The following CDK14 variants were observed in gnomAD, a reference collection of about 807,000 sequenced individuals.
CDK14 encodes the protein cyclin dependent kinase 14, also known as cyclin-dependent kinase 14.
A neutral mutation model predicts 60.7 loss-of-function variants in CDK14; 34 were observed. The observed-to-expected ratio is 0.56, with a 90% CI of 0.43 to 0.75. The LOEUF is 0.75. CDK14 is among the 30% of genes least tolerant of loss of function. The probability of loss-of-function intolerance (pLI) is 0.00; values close to 1 mark genes in which losing one functional copy is unlikely to be tolerated. For synonymous variants in CDK14, 197 were observed against 203.7 expected (o/e 0.97, Z 0.28); for missense variants, 482 against 564.1 (o/e 0.85, Z 1.47).
At chr7:91,062,342 A>G (rs1056428652) in intron 11 of CDK14, among the ~76,000 whole-genome samples, 6 of 152,040 alleles carry the variant, frequency 3.9e-5, no homozygotes, top group African/African-American at 1.4e-4. Context: ...GACCCCTTGC[A>G]CTTCCCGGGT....
chr7:90,946,422 T>C (rs1422027145), intron 8 of CDK14, among the ~76,000 whole-genome samples: 2 of 152,002 alleles, frequency 1.3e-5, no homozygotes, highest in African/African-American at 2.4e-5. Flanking sequence ...TCTCCTCAAA[T>C]AGAATGATGA....
chr7:90,841,249 C>A (rs549615350), intron 5 of CDK14, among the ~76,000 whole-genome samples: 2 of 151,866 alleles, frequency 1.3e-5, no homozygotes, highest in Non-Finnish European at 2.9e-5. Context: ...TTCATTTGTC[C>A]AAACCCATAC....
intron 14 of CDK14, among the ~76,000 whole-genome samples, chr7:91,167,588 C>T (rs556040817): frequency 1.2e-4 from 19 of 152,270 alleles, no homozygotes; most frequent in African/African-American, 4.6e-4. Flanking sequence ...GGAGTTATTT[C>T]CTGGGTGACT....
rs921936647 is a variant in CDK14, at chr7:90,969,933, T to C, written c.947+14116T>C. On this transcript the variant is annotated intron_variant, in intron 9 of 14. Transcript: ENST00000380050. ...CTTTAAGACTCCATCTCTAGAGTCTTCATTATCCATAGGAGTCTGTGTTGA... is the reference window on the plus strand; with the variant it reads ...CTTTAAGACTCCATCTCTAGAGTCTCCATTATCCATAGGAGTCTGTGTTGA... Among the ~76,000 whole-genome samples the C allele has an allele frequency of 2.0e-5, 3 of 151,854 alleles. No individual in the cohort carries two copies. The East Asian group carries it at 5.8e-4, about 29-fold the overall frequency.
At chr7:91,174,052 T>G (rs934889875) in intron 14 of CDK14, among the ~76,000 whole-genome samples, 7 of 152,240 alleles carry the variant, frequency 4.6e-5, no homozygotes, top group South Asian at 2.1e-4. Flanking sequence ...GACTTAAATG[T>G]CCCTGTATGA....
chr7:91,093,621 A>G (rs1289948780), intron 12 of CDK14, among the ~76,000 whole-genome samples: 3 of 152,198 alleles, frequency 2.0e-5, no homozygotes, highest in Non-Finnish European at 4.4e-5. Context: ...ATCTTATTTT[A>G]GCAAGCATTT....
intron 13 of CDK14, among the ~76,000 whole-genome samples, chr7:91,115,529 A>C (rs1799581387): frequency 1.3e-5 from 2 of 152,198 alleles, no homozygotes; most frequent in African/African-American, 4.8e-5. Context: ...GAGGACGGAC[A>C]CAATTCAATC....
intron 3 of CDK14, among the ~76,000 whole-genome samples, chr7:90,747,274 C>A (rs1453015999): frequency 6.6e-6 from 1 of 152,060 alleles, no homozygotes; most frequent in African/African-American, 2.4e-5. Context: ...CCACAGTTTG[C>A]CAGCTCCTAA....
intron 6 of CDK14, among the ~76,000 whole-genome samples, chr7:90,885,148 C>A (rs1791900395): frequency 6.6e-6 from 1 of 152,144 alleles, no homozygotes; most frequent in African/African-American, 2.4e-5. Flanking sequence ...AGTCAACAGG[C>A]AACCTACAGA....
At chr7:90,832,693 A>G (rs183996864) in intron 5 of CDK14, among the ~76,000 whole-genome samples, 21 of 152,300 alleles carry the variant, frequency 1.4e-4, no homozygotes, top group Middle Eastern at 3.4e-3. Context: ...AAAGTGCTAT[A>G]CAATGCAGGA....
chr7:91,173,048 C>A (rs1412531400), intron 14 of CDK14, among the ~76,000 whole-genome samples: 1 of 152,148 alleles, frequency 6.6e-6, no homozygotes, highest in Non-Finnish European at 1.5e-5. Flanking sequence ...TTTCTAATGG[C>A]CTTTCTTCTC....
chr7:90,639,132 G>T (rs939036900), intron 2 of CDK14, among the ~76,000 whole-genome samples: 1 of 152,304 alleles, frequency 6.6e-6, no homozygotes, highest in South Asian at 2.1e-4. Flanking sequence ...CTCTCAACTC[G>T]TCAAAGTCAT....
At chr7:90,711,795 T>G (rs1036013893) in intron 2 of CDK14, among the ~76,000 whole-genome samples, 1 of 152,120 alleles carries the variant, frequency 6.6e-6, no homozygotes, top group Non-Finnish European at 1.5e-5. Context: ...AAAAGCATTT[T>G]TTGGTTAAAC....
intron 2 of CDK14, among the ~76,000 whole-genome samples, chr7:90,615,643 C>T (rs1219053365): frequency 6.6e-6 from 1 of 152,046 alleles, no homozygotes; most frequent in African/African-American, 2.4e-5. Context: ...TTGGCTTATT[C>T]CAGATTTGCC....
chr7:90,796,909 G>A (rs1019776656), intron 5 of CDK14, among the ~76,000 whole-genome samples: 4 of 151,846 alleles, frequency 2.6e-5, no homozygotes, highest in Admixed American at 1.3e-4. Flanking sequence ...AACAGAGTCA[G>A]TTACAAGGCA....
At chr7:90,600,908 A>G (rs1413146744) in intron 1 of CDK14, among the ~76,000 whole-genome samples, 2 of 152,224 alleles carry the variant, frequency 1.3e-5, no homozygotes, top group East Asian at 3.8e-4. Flanking sequence ...CCCACTGTAG[A>G]TATTGTTCTG....
chr7:90,663,061 A>G (rs1800894397), intron 2 of CDK14, among the ~76,000 whole-genome samples: 1 of 151,608 alleles, frequency 6.6e-6, no homozygotes, highest in South Asian at 2.1e-4. Context: ...TGGAATGTCT[A>G]CACACACTTT....
chr7:90,654,633 G>A (rs934776090), intron 2 of CDK14, among the ~76,000 whole-genome samples: 2 of 152,254 alleles, frequency 1.3e-5, no homozygotes, highest in African/African-American at 4.8e-5. Context: ...GTTTGGGAAG[G>A]CCTGTCAGTT....
At chr7:91,137,617 C>T (rs369198392) in intron 14 of CDK14, among the ~76,000 whole-genome samples, 1 of 150,862 alleles carries the variant, frequency 6.6e-6, no homozygotes, top group Non-Finnish European at 1.5e-5. Context: ...ATGCACTGTG[C>T]ACACACACAC....
Sources: gnomAD v4.1 joint callset for allele counts (sites outside exome capture counted in the v4.1 genomes callset) on GRCh38, gnomAD v4.1.1 for gene constraint, MANE v1.5 for transcripts, NCBI Gene and HGNC (gene_info 2026-07-23, HGNC 2026-07-21) for gene names.